CDH2: variants seen among roughly 807,000 people sequenced by gnomAD.
CDH2 encodes cadherin-2.
A neutral mutation model predicts 92.0 loss-of-function variants in CDH2; 17 were observed. The ratio of observed to expected loss-of-function variants is 0.18; its 90% confidence interval spans 0.13 to 0.28. The LOEUF is 0.28. CDH2 is among the 10% of genes least tolerant of loss of function. CDH2 has a pLI of 1.00. For missense variants in CDH2, 862 were observed against 1,133.1 expected (o/e 0.76, Z 3.44); for synonymous variants, 419 against 415.9 (o/e 1.01, Z -0.09).
intron 2 of CDH2, among the ~76,000 whole-genome samples, chr18:28,088,591 G>A (rs2014980054): frequency 6.6e-6 from 1 of 152,108 alleles, no homozygotes; most frequent in Non-Finnish European, 1.5e-5. Flanking sequence ...GGGAGGAAAT[G>A]TCCTGGGGCC....
At chr18:28,073,611 T>C (rs2014661785) in intron 2 of CDH2, among the ~76,000 whole-genome samples, 1 of 152,174 alleles carries the variant, frequency 6.6e-6, no homozygotes, top group Admixed American at 6.5e-5. Flanking sequence ...GATGATAGAA[T>C]CTACTCTGCT....
chr18:28,062,231 A>T lies in CDH2; in HGVS notation c.173-48322T>A, dbSNP rs17535727. 2.9e-3 allele frequency among the ~76,000 whole-genome samples: 441 copies of T among 152,334 alleles called. 2 individuals carry two copies. The highest frequency in any genetic ancestry group is 0.01 in the African/African-American group (420 of 41,580). The stretch of plus-strand genomic sequence containing the variant: ...TCTAGCCATTTATCTCTTTTTAAAA[A>T]TTGAAAAGTGGCTAAAATTATTTCA... On this transcript the variant is annotated intron_variant, in intron 2 of 15. Transcript: ENST00000269141.
At chr18:27,958,755 C>T (rs2011321171) in intron 15 of CDH2, among the ~76,000 whole-genome samples, 1 of 152,100 alleles carries the variant, frequency 6.6e-6, no homozygotes, top group African/African-American at 2.4e-5. Context: ...GAGAGGGACC[C>T]GGTGGGAGGT....
intron 14 of CDH2, 30 bp downstream of exon 14, chr18:27,982,914 T>G (rs200052265): frequency 6.8e-7 from 1 of 1,481,254 alleles, no homozygotes; most frequent in African/African-American, 1.4e-5. Context: ...ATCATAAAAT[T>G]TATTTTTAAA....
At chr18:28,136,135 T>G (rs2015858011) in intron 2 of CDH2, among the ~76,000 whole-genome samples, 1 of 152,178 alleles carries the variant, frequency 6.6e-6, no homozygotes, top group South Asian at 2.1e-4. Flanking sequence ...GACAAAGTAA[T>G]AATGAACTGG....
intron 2 of CDH2, among the ~76,000 whole-genome samples, chr18:28,130,661 C>T (rs764482070): frequency 3.5e-4 from 53 of 152,322 alleles, no homozygotes; most frequent in Non-Finnish European, 6.9e-4. Context: ...CAGGCCTCTT[C>T]CAGGGAGCCC....
At chr18:27,976,794 C>T (rs2011846621) in intron 14 of CDH2, among the ~76,000 whole-genome samples, 1 of 152,062 alleles carries the variant, frequency 6.6e-6, no homozygotes, top group African/African-American at 2.4e-5. Context: ...AAAGTGAGCA[C>T]CACTGACTGA....
chr18:28,017,667 G>C (rs758159118), intron 2 of CDH2, among the ~76,000 whole-genome samples: 1 of 151,876 alleles, frequency 6.6e-6, no homozygotes, highest in Non-Finnish European at 1.5e-5. Context: ...TGTTTGGTTT[G>C]TTCTTGTTTC....
intron 2 of CDH2, among the ~76,000 whole-genome samples, chr18:28,143,982 C>T (rs2015995206): frequency 6.6e-6 from 1 of 151,912 alleles, no homozygotes; most frequent in Admixed American, 6.6e-5. Context: ...GAACAACACA[C>T]ACCAGGAACT....
intron 2 of CDH2, among the ~76,000 whole-genome samples, chr18:28,068,283 A>G (rs2014548741): frequency 6.6e-6 from 1 of 152,220 alleles, no homozygotes; most frequent in African/African-American, 2.4e-5. Flanking sequence ...AGAAATAAAA[A>G]TGTCAGAGCT....
chr18:28,141,064 T>TAC (rs1261469596), intron 2 of CDH2, among the ~76,000 whole-genome samples: 1 of 151,862 alleles, frequency 6.6e-6, no homozygotes, highest in Non-Finnish European at 1.5e-5. Context: ...GGAATCCTTG[T>TAC]ACACTGCTAG....
intron 7 of CDH2, among the ~76,000 whole-genome samples, chr18:27,996,007 G>C (rs778630350): frequency 6.6e-4 from 100 of 152,062 alleles, no homozygotes; most frequent in Admixed American, 1.2e-3. Flanking sequence ...TTAAGTGTTC[G>C]ACTTCCCACT....
intron 2 of CDH2, among the ~76,000 whole-genome samples, chr18:28,116,995 C>T (rs756469957): frequency 5.3e-5 from 8 of 152,094 alleles, no homozygotes; most frequent in South Asian, 2.1e-4. Context: ...GATGTGCCCA[C>T]GATCTGATTT....
chr18:27,934,189 TGGTCATTCTAA>T (rs1908968828), intron 6 of CDH2, among the ~76,000 whole-genome samples: 1 of 152,192 alleles, frequency 6.6e-6, no homozygotes, highest in Non-Finnish European at 1.5e-5. Context: ...CACATGCATA[TGGTCATTCTAA>T]GGTCTGTTTT....
At chr18:28,144,941 G>T (rs1295833028) in intron 2 of CDH2, among the ~76,000 whole-genome samples, 1 of 152,068 alleles carries the variant, frequency 6.6e-6, no homozygotes, top group Non-Finnish European at 1.5e-5. Flanking sequence ...GGGGAGGAAA[G>T]AATGCTCTTT....
chr18:28,094,106 T>C (rs183941097), intron 2 of CDH2, among the ~76,000 whole-genome samples: 2 of 152,346 alleles, frequency 1.3e-5, no homozygotes, highest in Non-Finnish European at 1.5e-5. Flanking sequence ...AATTTTGAAA[T>C]AATCTCCCTT....
At chr18:28,090,535 T>C (rs1369483542) in intron 2 of CDH2, among the ~76,000 whole-genome samples, 1 of 152,176 alleles carries the variant, frequency 6.6e-6, no homozygotes. Context: ...CACAAGCATC[T>C]GCTCAGGTGT....
Position 28,110,833 on chromosome 18 carries a change from G to A in CDH2, c.172+36840C>T, listed in dbSNP as rs112441499. ...AAGATGTGGCCAAAGGTATCCAGCTGCACAGGACAAAGATGGCTATAGAAC... is the reference window on the plus strand; with the variant it reads ...AAGATGTGGCCAAAGGTATCCAGCTACACAGGACAAAGATGGCTATAGAAC... On this transcript the variant is annotated intron_variant, in intron 2 of 15. Coordinates refer to ENST00000269141, the MANE Select transcript of CDH2 (RefSeq NM_001792.5). Among the ~76,000 whole-genome samples the A allele has an allele frequency of 1.6e-3, 238 of 152,212 alleles. 1 individual carries two copies. The highest frequency in any genetic ancestry group is 5.5e-3 in the African/African-American group (229 of 41,538).
intron 2 of CDH2, among the ~76,000 whole-genome samples, chr18:28,040,839 T>A (rs1470033916): frequency 6.6e-6 from 1 of 152,200 alleles, no homozygotes; most frequent in Non-Finnish European, 1.5e-5. Flanking sequence ...TATTCTCACA[T>A]GGAAAGATCT....
Sources: gnomAD v4.1 joint callset for allele counts (sites outside exome capture counted in the v4.1 genomes callset) on GRCh38, gnomAD v4.1.1 for gene constraint, MANE v1.5 for transcripts, NCBI Gene and HGNC (gene_info 2026-07-23, HGNC 2026-07-21) for gene names.